Variants in HAUS6 observed in about 807,000 individuals in gnomAD.
HAUS6 encodes HAUS augmin-like complex subunit 6.
A neutral mutation model predicts 106.8 loss-of-function variants in HAUS6; 80 were observed. That is an observed-to-expected ratio of 0.75 (90% CI 0.63 to 0.90). The LOEUF is 0.90. Ranked by LOEUF, HAUS6 falls within the 40% of genes least tolerant of loss-of-function variation. The probability of loss-of-function intolerance (pLI) is 0.00; values close to 1 mark genes in which losing one functional copy is unlikely to be tolerated. For synonymous variants in HAUS6, 356 were observed against 379.1 expected (o/e 0.94, Z 0.71); for missense variants, 1,155 against 1,118.1 (o/e 1.03, Z -0.47).
rs1469190737 is a variant in HAUS6, at chr9:19,053,975, C to T, written c.*2368G>A. On this transcript the variant is annotated 3_prime_UTR_variant, in exon 17 of 17. Coordinates refer to ENST00000380502, the MANE Select transcript of HAUS6 (RefSeq NM_017645.5). ...TAAAAAATATATAATAAAATCAATT[C>T]GTGGGATATTAAATGAATAAAAAGA... 6.6e-6 allele frequency: 1 copy of T among 151,852 alleles called. No homozygotes were observed. The highest frequency in any genetic ancestry group is 2.4e-5 in the African/African-American group (1 of 41,300). 9.4% of individuals were successfully genotyped at this position (151,852 alleles called of 1,614,324 possible).
At chr9:19,081,913 C>T (rs1053767471) in intron 8 of HAUS6, among the ~76,000 whole-genome samples, 1 of 152,058 alleles carries the variant, frequency 6.6e-6, no homozygotes, top group African/African-American at 2.4e-5. Flanking sequence ...AAAGAAGTGT[C>T]TCTCTTCAGA....
chr9:19,086,702 G>C, intron 7 of HAUS6, 32 bp downstream of exon 7: 1 of 954,850 alleles, frequency 1.0e-6, no homozygotes, highest in South Asian at 1.4e-5. Flanking sequence ...AATTTTAAAA[G>C]ATTAAATTTC....
intron 10 of HAUS6, among the ~76,000 whole-genome samples, chr9:19,077,612 C>G (rs146905270): frequency 6.6e-6 from 1 of 152,106 alleles, no homozygotes; most frequent in African/African-American, 2.4e-5. Context: ...ATAACAGCAA[C>G]TTATGGATAT....
chr9:19,059,370 C>G (rs1432751104), intron 15 of HAUS6, among the ~76,000 whole-genome samples: 1 of 152,200 alleles, frequency 6.6e-6, no homozygotes, highest in Admixed American at 6.5e-5. Flanking sequence ...TCCATTCTGT[C>G]AACTACTTAA....
At chr9:19,063,680 T>C in intron 12 of HAUS6, 100 bp from the exon 13 acceptor site, 1 of 858,698 alleles carries the variant, frequency 1.2e-6, no homozygotes, top group Admixed American at 1.7e-5. Flanking sequence ...TATCTGTCCG[T>C]TACGATTTCA....
chr9:19,079,827 C>G (rs1300711921), intron 9 of HAUS6, among the ~76,000 whole-genome samples: 2 of 150,936 alleles, frequency 1.3e-5, no homozygotes, highest in African/African-American at 4.9e-5. Context: ...CGCATGAACC[C>G]GGGAGATCAC....
At chr9:19,093,410 C>G (rs1817797083) in intron 3 of HAUS6, 107 bp from the exon 4 acceptor site, 1 of 982,774 alleles carries the variant, frequency 1.0e-6, no homozygotes, top group Non-Finnish European at 1.6e-6. Flanking sequence ...CAATAGAAGT[C>G]CCACATTTTC....
chr9:19,089,679 T>C (rs1011672053), intron 4 of HAUS6, 120 bp from the exon 5 acceptor site: 7 of 621,080 alleles, frequency 1.1e-5, no homozygotes, highest in African/African-American at 3.8e-5. Flanking sequence ...CTAAATCTGA[T>C]TGACTTTTAA....
rs1171412745 is a variant in HAUS6, at chr9:19,054,763, T to C, written c.*1580A>G. ...CTAGCAGCAGTTCTCAAACTCTTTC[T>C]CGAGCTTAAGAATTACCAAGGAAGC... On this transcript the variant is annotated 3_prime_UTR_variant, in exon 17 of 17. Coordinates refer to ENST00000380502, the MANE Select transcript of HAUS6 (RefSeq NM_017645.5). 1 of 152,224 alleles carries C rather than the reference T, an allele frequency of 6.6e-6. No individual in the cohort carries two copies. Among genetic ancestry groups the C allele is most frequent in the African/African-American group, 2.4e-5 (1 of 41,452 alleles). The allele number at this position is 152,224 out of a possible 1,614,324, so 9.4% of individuals were successfully genotyped here.
At chr9:19,075,002 G>A (rs1385136898) in intron 11 of HAUS6, among the ~76,000 whole-genome samples, 1 of 152,186 alleles carries the variant, frequency 6.6e-6, no homozygotes, top group African/African-American at 2.4e-5. Flanking sequence ...TCCATCAACA[G>A]ATGAATGGAT....
chr9:19,071,293 T>A (rs972591069), intron 11 of HAUS6, among the ~76,000 whole-genome samples: 12 of 151,966 alleles, frequency 7.9e-5, no homozygotes, highest in African/African-American at 2.9e-4. Context: ...ATACCTAGAA[T>A]GAAGCCATGA....
intron 1 of HAUS6, among the ~76,000 whole-genome samples, chr9:19,100,883 G>C (rs1253782097): frequency 6.6e-6 from 1 of 152,152 alleles, no homozygotes; most frequent in African/African-American, 2.4e-5. Flanking sequence ...AGCAAAAAAA[G>C]TGGACCTCAT....
intron 12 of HAUS6, 53 bp downstream of exon 12, chr9:19,070,166 T>C: frequency 2.9e-6 from 3 of 1,021,926 alleles, no homozygotes; most frequent in Admixed American, 2.0e-5. Context: ...CTCTATTTTT[T>C]ATAAAATAAG....
chr9:19,100,522 G>T (rs532496336), intron 1 of HAUS6, among the ~76,000 whole-genome samples: 4 of 152,150 alleles, frequency 2.6e-5, no homozygotes, highest in Non-Finnish European at 5.9e-5. Flanking sequence ...GAAACCATAG[G>T]CTCCTTAAAA....
rs1332508404 is a variant in HAUS6 at position 19,080,778 on chromosome 9, G to C, written c.871-106C>G. 5.8e-6 allele frequency: 4 copies of C among 688,106 alleles called. No individual in the cohort carries two copies. In the East Asian group the frequency reaches 1.1e-4, roughly 19 times the overall value. 42.6% of individuals were successfully genotyped at this position (688,106 alleles called of 1,614,324 possible). ...TACTATTAAAGTTTACCTTAAAGAA[G>C]AGGGAAAGGCCAGACGCAACGGCTC... is the stretch of plus-strand genomic sequence containing the variant. On this transcript the variant is annotated intron_variant, in intron 8 of 16. Coordinates refer to ENST00000380502, the MANE Select transcript of HAUS6 (RefSeq NM_017645.5).
intron 8 of HAUS6, among the ~76,000 whole-genome samples, chr9:19,081,200 TAC>T (rs921065036): frequency 6.6e-6 from 1 of 152,190 alleles, no homozygotes; most frequent in African/African-American, 2.4e-5. Flanking sequence ...CATTTTTTGC[TAC>T]ATTTTTATAT....
intron 7 of HAUS6, among the ~76,000 whole-genome samples, chr9:19,084,539 G>A (rs554202501): frequency 1.5e-4 from 23 of 151,896 alleles, no homozygotes; most frequent in African/African-American, 5.6e-4. Context: ...ACAAAAGAGG[G>A]AGGGAGGTGG....
intron 8 of HAUS6, among the ~76,000 whole-genome samples, chr9:19,081,313 T>A (rs10963944): frequency 0.078 from 11,877 of 152,194 alleles, 514 homozygotes; most frequent in East Asian, 0.11. Flanking sequence ...GACCATAAAT[T>A]CATTTTTTAA....
At chr9:19,083,874 G>A (rs549236088) in intron 7 of HAUS6, among the ~76,000 whole-genome samples, 2 of 151,650 alleles carry the variant, frequency 1.3e-5, no homozygotes, top group South Asian at 4.2e-4. Context: ...TCAGTTTGAG[G>A]AAGTTAAAGT....
Sources: allele counts gnomAD v4.1 joint callset (sites outside exome capture counted in the v4.1 genomes callset), GRCh38; gene constraint gnomAD v4.1.1; transcripts MANE v1.5; gene names NCBI Gene and HGNC (gene_info 2026-07-23, HGNC 2026-07-21).